Variants in ARHGEF3 observed in about 807,000 individuals in gnomAD.
The protein encoded by ARHGEF3 is 59.8 kDA protein.
A neutral mutation model predicts 63.2 loss-of-function variants in ARHGEF3; 28 were observed. That is an observed-to-expected ratio of 0.44 (90% CI 0.33 to 0.61). The LOEUF (loss-of-function observed/expected upper bound fraction) is 0.61. ARHGEF3 is among the 20% of genes least tolerant of loss of function. ARHGEF3 has a pLI of 0.03. For missense variants in ARHGEF3, 533 were observed against 659.3 expected (o/e 0.81, Z 2.10); for synonymous variants, 266 against 254.2 (o/e 1.05, Z -0.44).
Position 57,017,059 on chromosome 3 carries a change from CACACACGA to C in ARHGEF3, c.62+18021_62+18028del, listed in dbSNP as rs1235459048. ...ACACACACACACACACACACACACA[CACACACGA>C]GTCACCAAACAAAAGGAAATGCACA... On this transcript the variant is annotated intron_variant, in intron 2 of 12. Transcript: ENST00000338458. Among the ~76,000 whole-genome samples the C allele has an allele frequency of 2.0e-5, 3 of 151,174 alleles. 1 individual carries two copies.
At chr3:56,992,024 C>CTGTGTGTGTGTGTG (rs58860849) in intron 2 of ARHGEF3, among the ~76,000 whole-genome samples, 1 of 131,636 alleles carries the variant, frequency 7.6e-6, no homozygotes, top group African/African-American at 2.9e-5. Flanking sequence ...CCTCCTCTCT[C>CTGTGTGTGTGTGTG]TGTGTGTGTG....
chr3:57,002,747 TGCC>T (rs1702304888), intron 2 of ARHGEF3, among the ~76,000 whole-genome samples: 1 of 148,632 alleles, frequency 6.7e-6, no homozygotes, highest in Non-Finnish European at 1.5e-5. Flanking sequence ...ATTTCAATTA[TGCC>T]TTAGAAGAAG....
intron 3 of ARHGEF3, among the ~76,000 whole-genome samples, chr3:56,898,827 C>T (rs7611972): frequency 0.14 from 21,151 of 152,004 alleles, 1,813 homozygotes; most frequent in Non-Finnish European, 0.19. Context: ...GAGGCCAAGG[C>T]GGGCAGATCA....
chr3:57,049,347 C>T (rs146070767), intron 1 of ARHGEF3, among the ~76,000 whole-genome samples: 1,800 of 151,900 alleles, frequency 0.012, 34 homozygotes, highest in African/African-American at 0.041. Flanking sequence ...CCAGCCTGGG[C>T]GACAGAGTGA....
At position 56,963,923 on chromosome 3, in the gene ARHGEF3, T is replaced by G. The variant is rs1016100105; in HGVS notation, c.63-5034A>C. ...GTTTGCAGAATAGAAAGCTCATCACTTTGGCCTGTCTCTCTCTTGAACAAA... is the reference window on the plus strand; with the variant it reads ...GTTTGCAGAATAGAAAGCTCATCACGTTGGCCTGTCTCTCTCTTGAACAAA... On this transcript the variant is annotated intron_variant, in intron 2 of 12. Transcript: ENST00000338458. Among the ~76,000 whole-genome samples, 14 of 152,328 alleles carry G rather than the reference T, an allele frequency of 9.2e-5. 1 individual carries two copies. In the South Asian group the frequency reaches 2.9e-3, roughly 32 times the overall value.
At chr3:56,840,483 A>G (rs181175761) in intron 4 of ARHGEF3, among the ~76,000 whole-genome samples, 13 of 152,286 alleles carry the variant, frequency 8.5e-5, no homozygotes, top group African/African-American at 3.1e-4. Context: ...AAATATCTCT[A>G]TTACAACATG....
At chr3:56,787,718 G>GATAATAATAATA (rs58762340) in intron 1 of ARHGEF3, among the ~76,000 whole-genome samples, 17,423 of 150,694 alleles carry the variant, frequency 0.12, 2,915 homozygotes, top group African/African-American at 0.37. Flanking sequence ...AACTTCCTCT[G>GATAATAATAATA]ATAATAATAA....
chr3:56,968,020 A>ATATAT (rs1700669408), intron 2 of ARHGEF3, among the ~76,000 whole-genome samples: 5 of 33,904 alleles, frequency 1.5e-4, no homozygotes, highest in Non-Finnish European at 2.2e-4. Flanking sequence ...TAAATATAAA[A>ATATAT]CATATATATT....
At chr3:56,770,688 T>TC (rs987045806) in intron 2 of ARHGEF3, among the ~76,000 whole-genome samples, 35 of 152,050 alleles carry the variant, frequency 2.3e-4, no homozygotes, top group Middle Eastern at 3.4e-3. Context: ...CCATTCACTG[T>TC]CCCCCCAAGG....
At chr3:56,749,702 G>T (rs572205291) in intron 6 of ARHGEF3, among the ~76,000 whole-genome samples, 3 of 152,252 alleles carry the variant, frequency 2.0e-5, no homozygotes, top group Admixed American at 6.5e-5. Context: ...AATATAAGAT[G>T]AATGATCTCT....
intron 7 of ARHGEF3, among the ~76,000 whole-genome samples, chr3:56,740,002 C>T (rs1036291635): frequency 2.6e-5 from 4 of 151,680 alleles, no homozygotes; most frequent in African/African-American, 7.3e-5. Flanking sequence ...TGGATTCAAG[C>T]GATTCTCCTG....
chr3:56,944,044 C>T (rs1056855588), intron 3 of ARHGEF3, among the ~76,000 whole-genome samples: 4 of 150,932 alleles, frequency 2.7e-5, no homozygotes, highest in South Asian at 2.1e-4. Context: ...GGCATGATGG[C>T]GGGCGCCTAT....
At chr3:56,934,228 A>G (rs1167867016) in intron 3 of ARHGEF3, among the ~76,000 whole-genome samples, 1 of 152,228 alleles carries the variant, frequency 6.6e-6, no homozygotes, top group Non-Finnish European at 1.5e-5. Context: ...TGCTGAGTGA[A>G]TATAGCATAA....
At chr3:56,877,541 T>A (rs1191916259) in intron 4 of ARHGEF3, among the ~76,000 whole-genome samples, 1 of 151,966 alleles carries the variant, frequency 6.6e-6, no homozygotes, top group Non-Finnish European at 1.5e-5. Flanking sequence ...CTGGCTAATT[T>A]TTTATTTTTT....
intron 4 of ARHGEF3, among the ~76,000 whole-genome samples, chr3:56,820,868 A>C (rs78341427): frequency 6.6e-6 from 1 of 151,950 alleles, no homozygotes; most frequent in African/African-American, 2.4e-5. Flanking sequence ...ATGGTGACTT[A>C]TGAAAAAAAA....
chr3:56,745,178 G>A, intron 7 of ARHGEF3, 27 bp downstream of exon 7: 1 of 1,602,510 alleles, frequency 6.2e-7, no homozygotes, highest in South Asian at 1.1e-5. Context: ...ATAACAAGAA[G>A]AGAGAGAAGG....
intron 4 of ARHGEF3, among the ~76,000 whole-genome samples, chr3:56,827,752 C>CAAAAAAAAAAAAAAAAA (rs35949919): frequency 8.8e-5 from 6 of 68,418 alleles, no homozygotes; most frequent in Non-Finnish European, 9.7e-5. Context: ...CCTGTCTCTA[C>CAAAAAAAAAAAAAAAAA]AAAAAAAAAA....
intron 2 of ARHGEF3, among the ~76,000 whole-genome samples, chr3:56,769,572 T>C (rs1379209956): frequency 6.6e-6 from 1 of 152,216 alleles, no homozygotes; most frequent in Non-Finnish European, 1.5e-5. Context: ...TCCTGCAGTG[T>C]CTTGCTGAAC....
intron 2 of ARHGEF3, among the ~76,000 whole-genome samples, chr3:56,961,587 T>A (rs1448574628): frequency 6.6e-6 from 1 of 152,120 alleles, no homozygotes; most frequent in East Asian, 1.9e-4. Flanking sequence ...AGAGCAAATC[T>A]GTCCATTCGG....
Sources: allele counts gnomAD v4.1 joint callset (sites outside exome capture counted in the v4.1 genomes callset), GRCh38; gene constraint gnomAD v4.1.1; transcripts MANE v1.5; gene names NCBI Gene and HGNC (gene_info 2026-07-23, HGNC 2026-07-21).